NINL: variants seen among roughly 807,000 people sequenced by gnomAD.
NINL encodes ninein like.
A neutral mutation model predicts 160.3 loss-of-function variants in NINL; 153 were observed. That is an observed-to-expected ratio of 0.95 (90% confidence interval 0.84 to 1.09). The LOEUF (loss-of-function observed/expected upper bound fraction) is 1.09, where lower values mean the gene tolerates loss of function less well. NINL is among the 50% of genes least tolerant of loss of function. The pLI is 0.00. For missense variants in NINL, 1,829 were observed against 1,764.0 expected, an observed-to-expected ratio of 1.04 and a Z score of -0.66; for synonymous variants, 800 against 734.8, an observed-to-expected ratio of 1.09 and a Z score of -1.43.
chr20:25,536,905 G>T (rs2064566450), intron 1 of NINL, among the ~76,000 whole-genome samples: 1 of 152,080 alleles, frequency 6.6e-6, no homozygotes, highest in Admixed American at 6.6e-5. Flanking sequence ...AATAACAGCA[G>T]AATGAGGTTT....
chr20:25,543,459 G>A (rs1224535703), intron 1 of NINL, among the ~76,000 whole-genome samples: 1 of 152,204 alleles, frequency 6.6e-6, no homozygotes, highest in African/African-American at 2.4e-5. Flanking sequence ...ACTGAGGTAG[G>A]AGTGAGGCAG....
chr20:25,563,769 C>A (rs913418557), intron 1 of NINL, among the ~76,000 whole-genome samples: 2 of 151,992 alleles, frequency 1.3e-5, no homozygotes, highest in East Asian at 1.9e-4. Flanking sequence ...AAGAAAATTA[C>A]CAGAAATAAA....
chr20:25,477,571 G>T (rs951565498), intron 16 of NINL, among the ~76,000 whole-genome samples: 1 of 152,256 alleles, frequency 6.6e-6, no homozygotes, highest in African/African-American at 2.4e-5. Context: ...GGAGAGTCCA[G>T]TGGAAGTGAA....
At chr20:25,556,996 A>C (rs2064874601) in intron 1 of NINL, among the ~76,000 whole-genome samples, 2 of 152,152 alleles carry the variant, frequency 1.3e-5, no homozygotes, top group Non-Finnish European at 2.9e-5. Flanking sequence ...TCCCAGCTGG[A>C]AGGAAATGAG....
At chr20:25,501,809 CTT>C (rs1354631562) in intron 7 of NINL, among the ~76,000 whole-genome samples, 1 of 152,056 alleles carries the variant, frequency 6.6e-6, no homozygotes, top group East Asian at 1.9e-4. Flanking sequence ...ATTTTCAAAT[CTT>C]TGAGATGGGG....
intron 21 of NINL, 78 bp from the exon 22 acceptor site, chr20:25,458,607 AC>A: frequency 2.1e-6 from 3 of 1,406,734 alleles, no homozygotes; most frequent in African/African-American, 1.4e-5. Context: ...ATCCAAGGAC[AC>A]CCCCACCTGC....
At chr20:25,562,942 C>T (rs1180774000) in intron 1 of NINL, among the ~76,000 whole-genome samples, 1 of 152,138 alleles carries the variant, frequency 6.6e-6, no homozygotes, top group Non-Finnish European at 1.5e-5. Flanking sequence ...CTAAGGCGGG[C>T]AGATCACGAG....
chr20:25,476,241 GC>G lies in NINL; in HGVS notation c.3049del (p.Ala1017ProfsTer33), dbSNP rs769340535. ...PGCHKHSVEV[A>X]RRGSLPSHLQ... ...GTGGGATGGCAAGGACCCTCTCCTG[GC>G]AACCTCCACACTGTGCTTGTGACAC... On this transcript the variant is annotated frameshift_variant, in exon 17 of 24. Coordinates refer to ENST00000278886, the MANE Select transcript of NINL (RefSeq NM_025176.6). LOFTEE classifies it high-confidence loss of function. 7 of 1,613,996 alleles carry G rather than the reference GC, an allele frequency of 4.3e-6. 1 individual carries two copies. The South Asian group carries it at 7.7e-5, about 18-fold the overall frequency.
chr20:25,568,397 AC>A (rs1328314178), intron 1 of NINL, among the ~76,000 whole-genome samples: 2 of 151,656 alleles, frequency 1.3e-5, no homozygotes, highest in Non-Finnish European at 2.9e-5. Flanking sequence ...GATTAAAAGG[AC>A]CAATTTCTTT....
At chr20:25,478,895 T>A (rs748628661) in intron 16 of NINL, 28 bp downstream of exon 16, 3 of 1,488,820 alleles carry the variant, frequency 2.0e-6, no homozygotes, top group Admixed American at 2.3e-5. Context: ...AACCCCAGAC[T>A]TGAAATCTCA....
chr20:25,467,419 G>A lies in NINL; in HGVS notation c.3393C>T (p.Ala1131=), dbSNP rs567411017. Residue 1131 remains alanine (A), a synonymous_variant, in exon 19 of 24, where the codon GCC becomes GCT. Coordinates refer to ENST00000278886, the MANE Select transcript of NINL (RefSeq NM_025176.6). ...TGTTGAGCACCTCCATCTCAGAGCA[G>A]GCCTTTTCCTTGTCTTTCTTTAAAA... ...IEVLKKDKEK[A]CSEMEVLNRQ... is the part of the protein sequence containing the mutation. 16 of 1,614,100 alleles carry A rather than the reference G, an allele frequency of 9.9e-6. No homozygotes were observed. The South Asian group carries it at 1.6e-4, about 17-fold the overall frequency.
At chr20:25,508,046 C>T (rs1036915730) in intron 5 of NINL, among the ~76,000 whole-genome samples, 2 of 152,200 alleles carry the variant, frequency 1.3e-5, no homozygotes, top group East Asian at 1.9e-4. Context: ...CCCTTCCCTT[C>T]GCTGCTCTAG....
At chr20:25,542,430 G>A (rs562234998) in intron 1 of NINL, among the ~76,000 whole-genome samples, 1 of 151,990 alleles carries the variant, frequency 6.6e-6, no homozygotes, top group East Asian at 1.9e-4. Flanking sequence ...AGACCAAGAA[G>A]AAGAATGGGG....
chr20:25,585,052 C>T (rs903700367), intron 1 of NINL, among the ~76,000 whole-genome samples: 2 of 152,198 alleles, frequency 1.3e-5, no homozygotes, highest in African/African-American at 4.8e-5. Context: ...TCAGGAGAAA[C>T]GGCCCGCGCT....
At chr20:25,491,548 C>A (rs755438045) in intron 10 of NINL, 23 bp from the exon 11 acceptor site, 1 of 1,606,980 alleles carries the variant, frequency 6.2e-7, no homozygotes, top group South Asian at 1.1e-5. Flanking sequence ...ACACATCACA[C>A]GTCAGACATG....
intron 23 of NINL, among the ~76,000 whole-genome samples, chr20:25,454,726 AC>A (rs770064791): frequency 2.0e-5 from 3 of 152,066 alleles, no homozygotes; most frequent in Non-Finnish European, 4.4e-5. Flanking sequence ...CGTGGGGTCC[AC>A]CCACACCCTG....
intron 2 of NINL, among the ~76,000 whole-genome samples, chr20:25,523,123 T>C (rs1057272126): frequency 2.6e-5 from 4 of 152,130 alleles, no homozygotes; most frequent in Admixed American, 1.3e-4. Flanking sequence ...GTAAATACTA[T>C]GTAAATAGTT....
chr20:25,516,433 GAACAGT>G (rs1454185095), intron 3 of NINL, among the ~76,000 whole-genome samples: 1 of 152,102 alleles, frequency 6.6e-6, no homozygotes, highest in African/African-American at 2.4e-5. Flanking sequence ...CACAAGTTCC[GAACAGT>G]TTGTTGTTTC....
chr20:25,553,235 T>G (rs527334295), intron 1 of NINL, among the ~76,000 whole-genome samples: 2 of 148,978 alleles, frequency 1.3e-5, no homozygotes, highest in African/African-American at 4.9e-5. Flanking sequence ...CCCAAGTGGG[T>G]GGGACTACAG....
Sources: gnomAD v4.1 joint callset for allele counts (sites outside exome capture counted in the v4.1 genomes callset) on GRCh38, gnomAD v4.1.1 for gene constraint, MANE v1.5 for transcripts, NCBI Gene and HGNC (gene_info 2026-07-23, HGNC 2026-07-21) for gene names.